Variants in GPM6A observed in about 807,000 individuals in gnomAD.
GPM6A encodes glycoprotein M6A, also known as neuronal membrane glycoprotein M6-a.
Under a neutral mutation model 32.1 loss-of-function variants are expected in GPM6A, and 7 were observed. That is an observed-to-expected ratio of 0.22 (90% CI 0.12 to 0.41). The LOEUF (loss-of-function observed/expected upper bound fraction) is 0.41, where lower values mean the gene tolerates loss of function less well. GPM6A is among the 10% of genes least tolerant of loss of function. GPM6A has a pLI of 1.00. For synonymous variants in GPM6A, 130 were observed against 123.4 expected, an observed-to-expected ratio of 1.05 and a Z score of -0.35; for missense variants, 235 against 347.2, an observed-to-expected ratio of 0.68 and a Z score of 2.57.
chr4:175,684,667 C>T (rs1743874243), intron 2 of GPM6A, among the ~76,000 whole-genome samples: 1 of 152,114 alleles, frequency 6.6e-6, no homozygotes, highest in South Asian at 2.1e-4. Flanking sequence ...AGGTCTACTT[C>T]TGTCATACAA....
At chr4:175,790,703 A>G (rs1733978202) in intron 1 of GPM6A, among the ~76,000 whole-genome samples, 2 of 152,222 alleles carry the variant, frequency 1.3e-5, no homozygotes, top group Admixed American at 6.5e-5. Context: ...GGAAAGTTGT[A>G]TATCCTTTTC....
intron 1 of GPM6A, among the ~76,000 whole-genome samples, chr4:175,781,891 T>G (rs1179210347): frequency 1.3e-5 from 2 of 152,168 alleles, no homozygotes; most frequent in Admixed American, 1.3e-4. Context: ...AGTATACATT[T>G]CTGGATCCCT....
chr4:176,001,440 T>G (rs1048911844), intron 1 of GPM6A, among the ~76,000 whole-genome samples: 1 of 152,184 alleles, frequency 6.6e-6, no homozygotes, highest in Non-Finnish European at 1.5e-5. Context: ...TCCCTCGCTC[T>G]TCGAGGTGAC....
intron 1 of GPM6A, among the ~76,000 whole-genome samples, chr4:175,861,749 G>GA (rs10716525): frequency 0.19 from 16,441 of 87,084 alleles, 1,549 homozygotes; most frequent in East Asian, 0.3. Context: ...AAGAGACTCT[G>GA]AAAAAAAAAA....
In GPM6A at chr4:175,700,044, G is replaced by A. The variant is rs1226783919; in HGVS notation, c.230+1531C>T. 2.0e-5 allele frequency among the ~76,000 whole-genome samples: 3 copies of A among 151,738 alleles called. No homozygotes were observed. The East Asian group carries it at 5.8e-4, about 29-fold the overall frequency. On this transcript the variant is annotated intron_variant, in intron 2 of 6. Coordinates refer to ENST00000393658, the MANE Select transcript of GPM6A (RefSeq NM_201591.3). Reference sequence around the variant, plus strand: ...TGCCCAGGTAATTTTTGCATTTTTAGTAGAGACGGGATTTCACCATGTTGC... The same window carrying A: ...TGCCCAGGTAATTTTTGCATTTTTAATAGAGACGGGATTTCACCATGTTGC...
At chr4:175,957,059 T>TA (rs1449045627) in intron 1 of GPM6A, among the ~76,000 whole-genome samples, 1 of 147,150 alleles carries the variant, frequency 6.8e-6, no homozygotes, top group Non-Finnish European at 1.5e-5. Context: ...GAAAAATATA[T>TA]TTTTTTACTA....
At chr4:175,639,083 T>TGAGCAAC (rs1740982597) in intron 6 of GPM6A, among the ~76,000 whole-genome samples, 1 of 152,174 alleles carries the variant, frequency 6.6e-6, no homozygotes, top group Non-Finnish European at 1.5e-5. Context: ...TCAAAAATGT[T>TGAGCAAC]GAGCAACGCT....
At position 175,640,182 on chromosome 4, in the gene GPM6A, A is replaced by G. The variant is rs1196317863; in HGVS notation, c.631T>C (p.Phe211Leu). The stretch of plus-strand genomic sequence containing the variant: ...GCAAGTGCCACAATAAACAAGTGGA[A>G]GGTCATGTTCAGCTGCAATGGAAAC... ...MCESTELNMT[F>L]HLFIVALAGA... is the part of the protein sequence containing the mutation. Residue 211 changes from phenylalanine (F) to leucine (L), a missense_variant, in exon 6 of 7, where the codon TTC becomes CTC. By Grantham distance (22) the Phe-to-Leu change is conservative. Coordinates refer to ENST00000393658, the MANE Select transcript of GPM6A (RefSeq NM_201591.3). 4.3e-6 allele frequency: 7 copies of G among 1,613,680 alleles called. No individual in the cohort carries two copies. The South Asian group carries it at 7.7e-5, about 18-fold the overall frequency.
intron 1 of GPM6A, among the ~76,000 whole-genome samples, chr4:175,841,627 T>G (rs1388317019): frequency 2.0e-5 from 3 of 152,152 alleles, no homozygotes; most frequent in South Asian, 2.1e-4. Context: ...CTGCAATGTG[T>G]TGTTGTTGAA....
intron 3 of GPM6A, among the ~76,000 whole-genome samples, chr4:175,665,424 G>C (rs1246185204): frequency 2.6e-5 from 4 of 151,822 alleles, no homozygotes. Flanking sequence ...ATAAAATCGA[G>C]CCAGAGATTT....
At chr4:175,861,444 A>C (rs538768579) in intron 1 of GPM6A, among the ~76,000 whole-genome samples, 1 of 151,908 alleles carries the variant, frequency 6.6e-6, no homozygotes, top group East Asian at 1.9e-4. Context: ...CTAAAAAAAA[A>C]AACAACTTTG....
chr4:175,813,508 A>C (rs1381227871), upstream of GPM6A, among the ~76,000 whole-genome samples: 1 of 151,842 alleles, frequency 6.6e-6, no homozygotes, highest in East Asian at 1.9e-4. Flanking sequence ...ATCAGCCAGC[A>C]CACACACACA....
At chr4:175,657,713 TA>T in intron 3 of GPM6A, among the ~76,000 whole-genome samples, 1 of 152,222 alleles carries the variant, frequency 6.6e-6, no homozygotes, top group South Asian at 2.1e-4. Flanking sequence ...CATTCTTTGT[TA>T]AGGGGACTGT....
chr4:175,906,364 A>G (rs1738131712), intron 1 of GPM6A, among the ~76,000 whole-genome samples: 1 of 152,192 alleles, frequency 6.6e-6, no homozygotes, highest in Non-Finnish European at 1.5e-5. Context: ...GTGAGCACTT[A>G]AGGATAAATT....
At chr4:175,915,480 G>A (rs1274106458) in intron 1 of GPM6A, among the ~76,000 whole-genome samples, 1 of 151,850 alleles carries the variant, frequency 6.6e-6, no homozygotes, top group African/African-American at 2.4e-5. Context: ...TAGAGATAGG[G>A]TTTTTAATGG....
intron 1 of GPM6A, among the ~76,000 whole-genome samples, chr4:175,779,623 C>T (rs17607284): frequency 0.02 from 3,076 of 152,144 alleles, 56 homozygotes; most frequent in Non-Finnish European, 0.031. Flanking sequence ...GTCTGCTCCA[C>T]GCATCCCTAG....
At chr4:175,685,032 G>C (rs1438304630) in intron 2 of GPM6A, among the ~76,000 whole-genome samples, 5 of 151,730 alleles carry the variant, frequency 3.3e-5, no homozygotes, top group Non-Finnish European at 7.4e-5. Flanking sequence ...GGACTACAGG[G>C]GCCCACCACC....
intron 1 of GPM6A, among the ~76,000 whole-genome samples, chr4:175,955,085 T>C (rs1186483340): frequency 1.3e-5 from 2 of 152,216 alleles, no homozygotes; most frequent in Admixed American, 1.3e-4. Flanking sequence ...CAAAACACAA[T>C]ACCTGGAAGA....
At chr4:175,937,239 G>A (rs772038510) in intron 1 of GPM6A, among the ~76,000 whole-genome samples, 6 of 151,952 alleles carry the variant, frequency 3.9e-5, no homozygotes, top group Non-Finnish European at 8.8e-5. Flanking sequence ...GCATTCAAGG[G>A]CAAACTTTTC....
Sources: gnomAD v4.1 joint callset for allele counts (sites outside exome capture counted in the v4.1 genomes callset) on GRCh38, gnomAD v4.1.1 for gene constraint, MANE v1.5 for transcripts, NCBI Gene and HGNC (gene_info 2026-07-23, HGNC 2026-07-21) for gene names.